Variants in RALGAPA1 observed in about 807,000 individuals in gnomAD.
RALGAPA1 encodes Ral GTPase activating protein catalytic subunit alpha 1, also known as ral GTPase-activating protein subunit alpha-1.
In RALGAPA1, 52 loss-of-function variants were observed where a neutral mutation model predicts 269.6. The ratio of observed to expected loss-of-function variants is 0.19; its 90% confidence interval spans 0.15 to 0.24. RALGAPA1 has a LOEUF of 0.24. Ranked by LOEUF, RALGAPA1 falls within the 10% of genes least tolerant of loss-of-function variation. RALGAPA1 has a pLI of 1.00. For missense variants in RALGAPA1, 1,917 were observed against 3,013.9 expected, an observed-to-expected ratio of 0.64 and a Z score of 8.52; for synonymous variants, 817 against 1,008.3, an observed-to-expected ratio of 0.81 and a Z score of 3.60.
At chr14:35,769,023 A>AG (rs2074380371) in intron 4 of RALGAPA1, among the ~76,000 whole-genome samples, 3 of 97,640 alleles carry the variant, frequency 3.1e-5, no homozygotes, top group African/African-American at 1.4e-4. Context: ...AAAAAAAAAA[A>AG]AAAAAAAAAA....
intron 22 of RALGAPA1, among the ~76,000 whole-genome samples, chr14:35,675,431 C>G (rs2064856840): frequency 6.6e-6 from 1 of 152,194 alleles, no homozygotes; most frequent in South Asian, 2.1e-4. Flanking sequence ...CCACCTTGGC[C>G]TCCCAAAGTG....
rs529449618 is a variant in RALGAPA1 at position 35,595,349 on chromosome 14, C to T, written c.7209+285G>A. ...TGTTAATTTGCTTCAATATAGTAAC[C>T]GTTTTATTATCTATATGTATCCCAC... is the stretch of plus-strand genomic sequence containing the variant. On this transcript the variant is annotated intron_variant, in intron 37 of 41. Transcript: ENST00000680220. Among the ~76,000 whole-genome samples, 37 of 151,992 alleles carry T rather than the reference C, an allele frequency of 2.4e-4. 1 individual carries two copies. The South Asian group carries it at 7.1e-3, about 29-fold the overall frequency.
chr14:35,656,050 G>A, intron 28 of RALGAPA1, 135 bp from the exon 29 acceptor site: 3 of 1,448,104 alleles, frequency 2.1e-6, no homozygotes, highest in South Asian at 1.4e-5. Flanking sequence ...TACATTAACT[G>A]GTAACCAAAG....
intron 36 of RALGAPA1, among the ~76,000 whole-genome samples, chr14:35,601,316 C>G (rs936107307): frequency 2.6e-5 from 4 of 152,168 alleles, no homozygotes; most frequent in Non-Finnish European, 5.9e-5. Flanking sequence ...TCATTACCAA[C>G]TGGTAGACAT....
At position 35,656,932 on chromosome 14, in the gene RALGAPA1, A is replaced by G. The variant is rs117724423; in HGVS notation, c.5388-1017T>C. Among the ~76,000 whole-genome samples, 8 of 152,310 alleles carry G rather than the reference A, an allele frequency of 5.3e-5. No homozygotes were observed. In the East Asian group the frequency reaches 1.4e-3, roughly 26 times the overall value. On this transcript the variant is annotated intron_variant, in intron 28 of 41. Transcript: ENST00000680220. ...GAAACATCTATAATCCTAAAGCAAC[A>G]ATAAACTCTCAAGTGAAGCAAAGCT...
At chr14:35,755,193 A>C (rs545990706) in intron 7 of RALGAPA1, among the ~76,000 whole-genome samples, 12 of 152,116 alleles carry the variant, frequency 7.9e-5, no homozygotes, top group African/African-American at 2.9e-4. Flanking sequence ...CTCTAACAAA[A>C]AAAAAAAAAG....
intron 1 of RALGAPA1, among the ~76,000 whole-genome samples, chr14:35,791,421 T>C (rs2076159146): frequency 6.6e-6 from 1 of 152,058 alleles, no homozygotes; most frequent in South Asian, 2.1e-4. Flanking sequence ...CTGGCCAACA[T>C]GGCAAAACTC....
chr14:35,541,040 A>T (rs1390877542), intron 41 of RALGAPA1, among the ~76,000 whole-genome samples: 1 of 89,164 alleles, frequency 1.1e-5, no homozygotes, highest in Admixed American at 1.2e-4. Context: ...GAACACTTCA[A>T]TTTTTTTTTT....
intron 12 of RALGAPA1, among the ~76,000 whole-genome samples, chr14:35,730,697 C>A (rs906246187): frequency 6.6e-6 from 1 of 152,082 alleles, no homozygotes; most frequent in Admixed American, 6.5e-5. Flanking sequence ...ACCTGGGAAC[C>A]TCACCCCCAT....
rs573781707 is a variant in RALGAPA1, at chr14:35,698,895, T to C, written c.2407+1267A>G. On this transcript the variant is annotated intron_variant, in intron 17 of 41. Transcript: ENST00000680220. ...CAAAAATATCCTAATTCTTTATTTG[T>C]AGCTAAGCATCATACGTAACAAAAT... is the stretch of plus-strand genomic sequence containing the variant. Among the ~76,000 whole-genome samples, 12 of 152,310 alleles carry C rather than the reference T, an allele frequency of 7.9e-5. No homozygotes were observed. The South Asian group carries it at 1.7e-3, about 21-fold the overall frequency.
At chr14:35,548,397 G>C in intron 41 of RALGAPA1, 111 bp downstream of exon 41, 1 of 667,668 alleles carries the variant, frequency 1.5e-6, no homozygotes, top group Non-Finnish European at 2.4e-6. Flanking sequence ...AGTATGAACC[G>C]GACAGTGTTA....
intron 1 of RALGAPA1, among the ~76,000 whole-genome samples, chr14:35,775,948 C>T (rs2074991715): frequency 6.6e-6 from 1 of 152,106 alleles, no homozygotes; most frequent in Admixed American, 6.5e-5. Flanking sequence ...ATTTTAAAAA[C>T]TGATCAAGAA....
At chr14:35,769,065 T>TATATATACACAC (rs1237249622) in intron 4 of RALGAPA1, among the ~76,000 whole-genome samples, 3 of 77,792 alleles carry the variant, frequency 3.9e-5, no homozygotes, top group African/African-American at 1.4e-4. Context: ...TATATATATA[T>TATATATACACAC]ACACACACAT....
In RALGAPA1 at chr14:35,758,582, C is replaced by A. The variant is rs566854166; in HGVS notation, c.548-1674G>T. 3.3e-5 allele frequency among the ~76,000 whole-genome samples: 5 copies of A among 151,924 alleles called. No individual in the cohort carries two copies. In the South Asian group the frequency reaches 1.0e-3, roughly 32 times the overall value. The stretch of plus-strand genomic sequence containing the variant: ...ATTTTTAAAGTCATCCACAAAAACA[C>A]TGATAAAAGAGTTGGTGTGGTGGTG... On this transcript the variant is annotated intron_variant, in intron 6 of 41. Coordinates refer to ENST00000680220, the MANE Select transcript of RALGAPA1 (RefSeq NM_001346249.2).
chr14:35,767,444 T>C (rs2074245748), intron 4 of RALGAPA1, among the ~76,000 whole-genome samples: 1 of 152,036 alleles, frequency 6.6e-6, no homozygotes, highest in South Asian at 2.1e-4. Context: ...TCCTAGCACT[T>C]TGGGAGGCTG....
chr14:35,564,825 T>C (rs904752631), intron 39 of RALGAPA1, among the ~76,000 whole-genome samples: 2 of 152,140 alleles, frequency 1.3e-5, no homozygotes, highest in African/African-American at 2.4e-5. Flanking sequence ...TTGCATTCCA[T>C]CTACTCAAAC....
intron 39 of RALGAPA1, among the ~76,000 whole-genome samples, chr14:35,567,237 T>C (rs889090503): frequency 5.9e-5 from 9 of 152,066 alleles, no homozygotes; most frequent in Non-Finnish European, 1.3e-4. Flanking sequence ...GATTGGCTAT[T>C]AAAAACATGA....
Position 35,539,591 on chromosome 14 carries a change from C to A in RALGAPA1, c.*123G>T. The A allele has an allele frequency of 6.2e-7, 1 of 1,613,736 alleles. No homozygotes were observed. The highest frequency in any genetic ancestry group is 1.1e-5 in the South Asian group (1 of 91,054). On this transcript the variant is annotated 3_prime_UTR_variant, in exon 42 of 42. Transcript: ENST00000680220. The stretch of plus-strand genomic sequence containing the variant: ...GGAACGACGCAGCTTCATGGACATG[C>A]GGCTTTTGCTAGTTCGAGGAGACAT...
chr14:35,591,288 CTATG>C (rs371005322), intron 37 of RALGAPA1, among the ~76,000 whole-genome samples: 279 of 150,052 alleles, frequency 1.9e-3, no homozygotes, highest in Non-Finnish European at 2.7e-3. Context: ...ATTTTAAGTG[CTATG>C]TATGTATGTA....
Sources: allele counts gnomAD v4.1 joint callset (sites outside exome capture counted in the v4.1 genomes callset), GRCh38; gene constraint gnomAD v4.1.1; transcripts MANE v1.5; gene names NCBI Gene and HGNC (gene_info 2026-07-23, HGNC 2026-07-21).